Variants in JAKMIP3 observed in about 807,000 individuals in gnomAD.
The protein encoded by JAKMIP3 is Janus kinase and microtubule interacting protein 3, also known as janus kinase and microtubule-interacting protein 3.
Under a neutral mutation model 118.5 loss-of-function variants are expected in JAKMIP3, and 58 were observed. The observed-to-expected ratio is 0.49, with a 90% CI of 0.40 to 0.61. The LOEUF is 0.61. JAKMIP3 is among the 20% of genes least tolerant of loss of function. The pLI is 0.00. For synonymous variants in JAKMIP3, 486 were observed against 451.2 expected (o/e 1.08, Z -0.98); for missense variants, 950 against 1,109.0 (o/e 0.86, Z 2.04).
intron 23 of JAKMIP3, among the ~76,000 whole-genome samples, chr10:132,169,621 G>A (rs1334203650): frequency 6.6e-6 from 1 of 152,190 alleles, no homozygotes; most frequent in African/African-American, 2.4e-5. Flanking sequence ...TTCTTGGGGA[G>A]GCAGTGGCAG....
At chr10:132,146,811 C>T (rs899424185) in intron 13 of JAKMIP3, among the ~76,000 whole-genome samples, 6 of 152,208 alleles carry the variant, frequency 3.9e-5, no homozygotes, top group South Asian at 2.1e-4. Flanking sequence ...CGTGGACACA[C>T]GGAACATCTC....
intron 2 of JAKMIP3, among the ~76,000 whole-genome samples, chr10:132,115,773 G>A (rs534395681): frequency 1.3e-5 from 2 of 151,932 alleles, no homozygotes; most frequent in East Asian, 1.9e-4. Flanking sequence ...AAGTTAACTC[G>A]TGAAAAAAAA....
chr10:132,082,877 G>A (rs1227154391), intron 1 of JAKMIP3, among the ~76,000 whole-genome samples: 1 of 152,188 alleles, frequency 6.6e-6, no homozygotes, highest in Admixed American at 6.5e-5. Context: ...CCAAAGTGCG[G>A]GAATACAGGC....
Position 132,110,943 on chromosome 10 carries a change from G to A in JAKMIP3, c.135+6000G>A, listed in dbSNP as rs116536919. ...GTCACCGTGTTTTTGTCGTGGACACGAAGGCTCCAGCTCTGGTCTGGGCAC... is the reference window on the plus strand; with the variant it reads ...GTCACCGTGTTTTTGTCGTGGACACAAAGGCTCCAGCTCTGGTCTGGGCAC... On this transcript the variant is annotated intron_variant, in intron 2 of 23. Coordinates refer to ENST00000684848, the MANE Select transcript of JAKMIP3 (RefSeq NM_001323087.2). Among the ~76,000 whole-genome samples the A allele has an allele frequency of 6.5e-3, 990 of 152,350 alleles. 8 individuals are homozygous for A. Among genetic ancestry groups the A allele is most frequent in the African/African-American group, 0.022 (934 of 41,572 alleles).
intron 3 of JAKMIP3, among the ~76,000 whole-genome samples, chr10:132,130,372 C>T (rs894078796): frequency 6.6e-6 from 1 of 152,268 alleles, no homozygotes; most frequent in African/African-American, 2.4e-5. Flanking sequence ...ATCTCCTTAT[C>T]TCTAGCACAT....
chr10:132,146,038 G>A (rs1046236690), intron 13 of JAKMIP3, among the ~76,000 whole-genome samples: 5 of 152,150 alleles, frequency 3.3e-5, no homozygotes, highest in South Asian at 2.1e-4. Flanking sequence ...GAGCAAGTGC[G>A]TGTTTGAGAC....
chr10:132,049,312 G>A lies in JAKMIP3; in HGVS notation c.-138+12574G>A, dbSNP rs1181001881. ...TTGCTTCCCTTCCTTAGGGCTGGGA[G>A]TGCTGCCCTCCTCCTCACCTTCCAC... is the stretch of plus-strand genomic sequence containing the variant. On this transcript the variant is annotated intron_variant, in intron 1 of 23. Coordinates refer to the JAKMIP3 transcript ENST00000657785. This position sits in a 1 kb window ranked among gnomAD's most constrained non-coding sequence, Gnocchi z 4.3. Among the ~76,000 whole-genome samples, 4 of 152,144 alleles carry A rather than the reference G, an allele frequency of 2.6e-5. No homozygotes were observed. Among genetic ancestry groups the A allele is most frequent in the African/African-American group, 9.7e-5 (4 of 41,432 alleles).
At position 132,104,858 on chromosome 10, in the gene JAKMIP3, C is replaced by T. The variant is rs1460499706; in HGVS notation, c.50C>T (p.Ala17Val). 1.0e-5 allele frequency: 16 copies of T among 1,557,890 alleles called. No homozygotes were observed. Among genetic ancestry groups the T allele is most frequent in the South Asian group, 7.1e-5 (6 of 84,374 alleles). ...SSRAKGDKAE[A>V]LAALQAANED... ...CGGGCCAAGGGGGACAAGGCAGAGG[C>T]CCTCGCGGCGCTGCAGGCGGCCAAC... The change falls in exon 2 of 24, where the codon GCC becomes GTC. Residue 17 changes from alanine to valine, a missense_variant. Coordinates refer to ENST00000684848, the MANE Select transcript of JAKMIP3 (RefSeq NM_001323087.2).
At chr10:132,147,896 A>T in intron 13 of JAKMIP3, 56 bp from the exon 14 acceptor site, 1 of 1,327,640 alleles carries the variant, frequency 7.5e-7, no homozygotes, top group Non-Finnish European at 1.1e-6. Context: ...TGACCTCCCA[A>T]GACCTCTGGT....
intron 1 of JAKMIP3, among the ~76,000 whole-genome samples, chr10:132,078,623 G>A (rs55808818): frequency 2.1e-5 from 2 of 95,798 alleles, no homozygotes; most frequent in Non-Finnish European, 3.9e-5. Flanking sequence ...TGGGGGCGGG[G>A]GGGGGGGGGG....
At chr10:132,145,636 T>A in intron 13 of JAKMIP3, 56 bp downstream of exon 13, 1 of 1,437,066 alleles carries the variant, frequency 7.0e-7, no homozygotes, top group Non-Finnish European at 9.6e-7. Flanking sequence ...TCCTGGGGGT[T>A]GCAGTGGTCC....
intron 23 of JAKMIP3, among the ~76,000 whole-genome samples, chr10:132,173,481 TC>T (rs2059826128): frequency 6.6e-6 from 1 of 151,514 alleles, no homozygotes; most frequent in Non-Finnish European, 1.5e-5. Flanking sequence ...ACAATTCCTT[TC>T]CCCCCAGCCT....
intron 3 of JAKMIP3, among the ~76,000 whole-genome samples, chr10:132,132,695 C>CG (rs1399656909): frequency 7.2e-5 from 11 of 152,200 alleles, no homozygotes; most frequent in Admixed American, 7.2e-4. Flanking sequence ...GACAGCTGTG[C>CG]GGGGCCCCAG....
At chr10:132,114,670 A>G (rs554532696) in intron 2 of JAKMIP3, among the ~76,000 whole-genome samples, 1 of 152,336 alleles carries the variant, frequency 6.6e-6, no homozygotes, top group Admixed American at 6.5e-5. Context: ...ATTGCATTGA[A>G]TCTATAGATC....
intron 3 of JAKMIP3, among the ~76,000 whole-genome samples, chr10:132,124,382 A>C (rs1000394552): frequency 1.3e-5 from 2 of 150,218 alleles, no homozygotes; most frequent in Non-Finnish European, 3.0e-5. Context: ...ATCACAACTG[A>C]GTCGGCCGGC....
intron 23 of JAKMIP3, among the ~76,000 whole-genome samples, chr10:132,180,160 G>GC (rs966822746): frequency 2.4e-4 from 36 of 152,318 alleles, no homozygotes; most frequent in African/African-American, 8.7e-4. Context: ...ATGCTTCGAA[G>GC]CCAAGTTCCC....
chr10:132,067,138 A>G (rs2038916226), intron 1 of JAKMIP3, among the ~76,000 whole-genome samples: 1 of 152,156 alleles, frequency 6.6e-6, no homozygotes, highest in Non-Finnish European at 1.5e-5. Flanking sequence ...CTCAGTTTAC[A>G]TTCACAGCAT....
At chr10:132,151,455 T>A (rs1369916372) in intron 16 of JAKMIP3, among the ~76,000 whole-genome samples, 1 of 152,052 alleles carries the variant, frequency 6.6e-6, no homozygotes, top group Non-Finnish European at 1.5e-5. Context: ...AGGGAGGCTC[T>A]GGGTGTGGGT....
intron 9 of JAKMIP3, 147 bp downstream of exon 9, chr10:132,138,325 C>T (rs1449206184): frequency 1.3e-5 from 9 of 673,994 alleles, no homozygotes; most frequent in African/African-American, 8.1e-5. Context: ...CCGAGGACCG[C>T]GCCCACGTGT....
Sources: gnomAD v4.1 joint callset for allele counts (sites outside exome capture counted in the v4.1 genomes callset) on GRCh38, gnomAD v4.1.1 for gene constraint, Gnocchi (gnomAD v3.1) non-coding constraint, MANE v1.5 for transcripts, NCBI Gene and HGNC (gene_info 2026-07-23, HGNC 2026-07-21) for gene names.